FBXL5: variants seen among roughly 807,000 people sequenced by gnomAD.
FBXL5 encodes the protein F-box and leucine rich repeat protein 5.
A neutral mutation model predicts 78.3 loss-of-function variants in FBXL5; 26 were observed. That is an observed-to-expected ratio of 0.33 (90% CI 0.24 to 0.46). The LOEUF (loss-of-function observed/expected upper bound fraction) is 0.46, where lower values mean the gene tolerates loss of function less well. Ranked by LOEUF, FBXL5 falls within the 20% of genes least tolerant of loss-of-function variation. The pLI is 1.00. For missense variants in FBXL5, 710 were observed against 829.2 expected, an observed-to-expected ratio of 0.86 and a Z score of 1.77; for synonymous variants, 295 against 282.5, an observed-to-expected ratio of 1.04 and a Z score of -0.45.
chr4:15,673,220 G>A (rs189589082), intron 1 of FBXL5, among the ~76,000 whole-genome samples: 4 of 152,170 alleles, frequency 2.6e-5, no homozygotes, highest in South Asian at 4.2e-4. Context: ...TAGCTGGATC[G>A]CTTGAGCCCA....
intron 1 of FBXL5, among the ~76,000 whole-genome samples, chr4:15,670,610 A>C (rs914059620): frequency 3.3e-5 from 5 of 152,162 alleles, no homozygotes; most frequent in African/African-American, 1.2e-4. Flanking sequence ...AACTGAAGGC[A>C]GTTTTATGTC....
At chr4:15,641,719 G>C in intron 2 of FBXL5, 2 of 418,496 alleles carry the variant, frequency 4.8e-6, no homozygotes, top group South Asian at 3.5e-5. Context: ...TTGTTCAAGG[G>C]TCAACTGTAC....
chr4:15,644,871 T>C (rs1234098921), intron 1 of FBXL5, among the ~76,000 whole-genome samples, 163 bp from the exon 2 acceptor site: 1 of 152,204 alleles, frequency 6.6e-6, no homozygotes, highest in Non-Finnish European at 1.5e-5. Context: ...GTTATAATGG[T>C]ATAATAAAAA....
chr4:15,644,818 C>A, intron 1 of FBXL5, 110 bp from the exon 2 acceptor site: 1 of 701,220 alleles, frequency 1.4e-6, no homozygotes, highest in South Asian at 2.1e-5. Flanking sequence ...ACTTCCCTTA[C>A]ACTTGGTTAA....
chr4:15,612,651 A>G (rs935446905), intron 9 of FBXL5, among the ~76,000 whole-genome samples: 1 of 152,192 alleles, frequency 6.6e-6, no homozygotes, highest in Non-Finnish European at 1.5e-5. Context: ...ACTGTTCTTT[A>G]TAAGAACATC....
chr4:15,625,600 A>G lies in FBXL5; in HGVS notation c.1502T>C (p.Val501Ala), dbSNP rs778770048. The G allele has an allele frequency of 7.4e-6, 12 of 1,614,200 alleles. No homozygotes were observed. The highest frequency in any genetic ancestry group is 1.0e-5 in the Non-Finnish European group (12 of 1,180,024). ...EDTVEWRHRN[V>A]ESLCVMETAS... ...TGTTTCCATTACACAAAGACTTTCA[A>G]CATTTCTATGTCTCCATTCCACAGT... Residue 501 changes from valine (V) to alanine (A), a missense_variant, in exon 9 of 11, where the codon GTT becomes GCT. Val to Ala is a moderately conservative substitution (Grantham distance 64). Transcript: ENST00000341285.
chr4:15,639,025 G>T (rs377444688), intron 3 of FBXL5, among the ~76,000 whole-genome samples: 2 of 152,152 alleles, frequency 1.3e-5, no homozygotes, highest in Non-Finnish European at 2.9e-5. Flanking sequence ...GTAGCCGGGC[G>T]TGGTGGCGCA....
intron 1 of FBXL5, among the ~76,000 whole-genome samples, chr4:15,668,461 A>AT (rs895463355): frequency 8.9e-4 from 133 of 150,158 alleles, no homozygotes; most frequent in Admixed American, 2.3e-3. Flanking sequence ...ACATTCTTTT[A>AT]TTTTTTTTTG....
chr4:15,676,367 T>C (rs1004996440), intron 1 of FBXL5, among the ~76,000 whole-genome samples: 3 of 152,064 alleles, frequency 2.0e-5, no homozygotes, highest in Non-Finnish European at 4.4e-5. Flanking sequence ...TGTATGAGGA[T>C]GGAAACAGCC....
intron 1 of FBXL5, among the ~76,000 whole-genome samples, chr4:15,665,417 T>C (rs1017061104): frequency 1.3e-5 from 2 of 152,168 alleles, no homozygotes; most frequent in Non-Finnish European, 2.9e-5. Flanking sequence ...GTACAGCTCA[T>C]TTCTTCTATC....
At chr4:15,664,710 A>G (rs1239534801), upstream of FBXL5, among the ~76,000 whole-genome samples, 1 of 151,606 alleles carries the variant, frequency 6.6e-6, no homozygotes, top group East Asian at 1.9e-4. Flanking sequence ...GGCGCCTGAT[A>G]CCACGCCCGG....
At chr4:15,647,218 A>G (rs1715456127) in intron 1 of FBXL5, among the ~76,000 whole-genome samples, 2 of 82,960 alleles carry the variant, frequency 2.4e-5, no homozygotes, top group Non-Finnish European at 4.8e-5. Context: ...GCAAGACTCC[A>G]TCTCAAAAAA....
rs376340936 is a variant in FBXL5, at chr4:15,630,678, T to C, written c.880A>G (p.Ile294Val). Residue 294 changes from isoleucine to valine, a missense_variant, in exon 6 of 11, where the codon ATT becomes GTT. Ile to Val is a conservative substitution (Grantham distance 29). Coordinates refer to ENST00000341285, the MANE Select transcript of FBXL5 (RefSeq NM_012161.4). ...CAAACAAGCTTACCAGATTCATCAA[T>C]GTCAGCATCTTCATCCCACTCATGA... ...AFHEWDEDADIDESEESAEES... is the reference protein window; with the variant it reads ...AFHEWDEDADVDESEESAEES... 1.5e-5 allele frequency: 24 copies of C among 1,586,216 alleles called. No individual in the cohort carries two copies. In the African/African-American group the frequency reaches 2.6e-4, roughly 17 times the overall value.
intron 7 of FBXL5, 74 bp downstream of exon 7, chr4:15,627,811 C>G: frequency 6.8e-7 from 1 of 1,470,516 alleles, no homozygotes; most frequent in Non-Finnish European, 9.2e-7. Context: ...CTTAATTAAA[C>G]TCAGGAATGA....
In FBXL5 at chr4:15,604,572, AAT is replaced by A. The variant is rs1270756151; in HGVS notation, c.*1149_*1150del. The stretch of plus-strand genomic sequence containing the variant: ...GAAGTTTTATTGGAAACATGGCACC[AAT>A]AGACTGGCTCAACGCAGAGTTGCCA... On this transcript the variant is annotated 3_prime_UTR_variant, in exon 11 of 11. Coordinates refer to ENST00000341285, the MANE Select transcript of FBXL5 (RefSeq NM_012161.4). The A allele has an allele frequency of 2.6e-5, 4 of 152,254 alleles. No homozygotes were observed. Among genetic ancestry groups the A allele is most frequent in the Non-Finnish European group, 5.9e-5 (4 of 68,042 alleles). 9.4% of individuals were successfully genotyped at this position (152,254 alleles called of 1,614,324 possible).
At chr4:15,656,183 C>T, upstream of FBXL5, 1 of 456,164 alleles carries the variant, frequency 2.2e-6, no homozygotes, top group Non-Finnish European at 4.4e-6. Context: ...TGGTACAAAT[C>T]CCGCCATTTT....
intron 9 of FBXL5, among the ~76,000 whole-genome samples, chr4:15,617,374 T>C (rs550030186): frequency 4.6e-4 from 70 of 151,490 alleles, no homozygotes; most frequent in Admixed American, 1.1e-3. Context: ...AAACTCCATC[T>C]CTACTAAAAA....
intron 1 of FBXL5, among the ~76,000 whole-genome samples, chr4:15,654,595 T>A (rs1716594425): frequency 6.6e-6 from 1 of 152,016 alleles, no homozygotes; most frequent in South Asian, 2.1e-4. Context: ...ACATGAAGAG[T>A]GAAGGTTCTT....
intron 1 of FBXL5, among the ~76,000 whole-genome samples, chr4:15,677,238 GT>G (rs1257040692): frequency 6.6e-6 from 1 of 152,102 alleles, no homozygotes; most frequent in African/African-American, 2.4e-5. Flanking sequence ...GGGTATATAT[GT>G]TCGTCTTATT....
Sources: gnomAD v4.1 joint callset for allele counts (sites outside exome capture counted in the v4.1 genomes callset) on GRCh38, gnomAD v4.1.1 for gene constraint, MANE v1.5 for transcripts, NCBI Gene and HGNC (gene_info 2026-07-23, HGNC 2026-07-21) for gene names.